The following SNRPN variants were observed in gnomAD, a reference collection of about 807,000 sequenced individuals.
SNRPN encodes the protein small nuclear ribonucleoprotein polypeptide N, also known as small nuclear ribonucleoprotein-associated protein N.
SNRPN carries 7 observed loss-of-function variants against 25.2 expected under a neutral mutation model. That is an observed-to-expected ratio of 0.28 (90% CI 0.16 to 0.52). The LOEUF is 0.52. Among genes scored for constraint, SNRPN ranks in the 20% least tolerant of loss-of-function variants. The probability of loss-of-function intolerance (pLI) is 0.96; values close to 1 mark genes in which losing one functional copy is unlikely to be tolerated. For synonymous variants in SNRPN, 124 were observed against 110.6 expected (o/e 1.12, Z -0.76); for missense variants, 196 against 322.5 (o/e 0.61, Z 3.00).
intron 3 of SNRPN, among the ~76,000 whole-genome samples, chr15:24,928,273 C>T (rs1425268362): frequency 6.6e-6 from 1 of 152,076 alleles, no homozygotes; most frequent in Non-Finnish European, 1.5e-5. Context: ...GAGAGCTGCA[C>T]TCTTGTGTTC....
chr15:24,920,072 T>G (rs1595907229), exon 3 of SNRPN: 1 of 152,286 alleles, frequency 6.6e-6, no homozygotes, highest in South Asian at 2.1e-4. Context: ...CAGAATCTCC[T>G]CTACAGATTT....
intron 2 of SNRPN, chr15:24,910,928 A>G: frequency 1.3e-6 from 1 of 747,646 alleles, no homozygotes; most frequent in Non-Finnish European, 2.3e-6. Flanking sequence ...TTCCTCCTGT[A>G]GGCTGGCAGA....
At chr15:24,857,426 T>C (rs1369947757) in intron 1 of SNRPN, among the ~76,000 whole-genome samples, 1 of 152,170 alleles carries the variant, frequency 6.6e-6, no homozygotes, top group Non-Finnish European at 1.5e-5. Flanking sequence ...TTTTTTTATG[T>C]TTTCAGTGAA....
At chr15:24,974,138 TGA>T (rs1378203379) in intron 3 of SNRPN, 171 bp from the exon 4 acceptor site, 1 of 362,706 alleles carries the variant, frequency 2.8e-6, no homozygotes, top group Non-Finnish European at 5.0e-6. Flanking sequence ...GTGTCAAATG[TGA>T]GAGTTAAGAA....
chr15:24,830,139 C>T (rs918223029), intron 2 of SNRPN, among the ~76,000 whole-genome samples: 2 of 152,066 alleles, frequency 1.3e-5, no homozygotes, highest in East Asian at 1.9e-4. Flanking sequence ...TTCTACCACA[C>T]GTAACCATGC....
At chr15:24,906,581 G>A (rs2058822191) in intron 2 of SNRPN, among the ~76,000 whole-genome samples, 1 of 152,212 alleles carries the variant, frequency 6.6e-6, no homozygotes, top group Non-Finnish European at 1.5e-5. Flanking sequence ...GCTCCTGAGT[G>A]AGGAATTTAT....
intron 3 of SNRPN, among the ~76,000 whole-genome samples, chr15:24,938,113 C>CA (rs2061341672): frequency 1.5e-5 from 2 of 133,722 alleles, no homozygotes; most frequent in East Asian, 2.5e-4. Flanking sequence ...GCTTCTAATT[C>CA]GTTTTTTTTT....
At chr15:24,914,625 A>G (rs1353496315) in intron 2 of SNRPN, among the ~76,000 whole-genome samples, 1 of 152,186 alleles carries the variant, frequency 6.6e-6, no homozygotes, top group Admixed American at 6.5e-5. Context: ...AGAGCAATCA[A>G]TGGCTCCAGA....
chr15:24,885,173 A>G (rs2057087364), intron 1 of SNRPN, among the ~76,000 whole-genome samples: 1 of 151,828 alleles, frequency 6.6e-6, no homozygotes. Flanking sequence ...GTATTGGGAC[A>G]TCTGGATTTT....
intron 1 of SNRPN, among the ~76,000 whole-genome samples, chr15:24,828,957 ATGT>A (rs2050295556): frequency 2.0e-5 from 3 of 152,066 alleles, no homozygotes; most frequent in East Asian, 3.9e-4. Flanking sequence ...GGGGAGTCAC[ATGT>A]TGTCCTGAGA....
At chr15:24,858,161 T>C (rs1324259307) in intron 1 of SNRPN, among the ~76,000 whole-genome samples, 3 of 152,172 alleles carry the variant, frequency 2.0e-5, no homozygotes, top group African/African-American at 4.8e-5. Flanking sequence ...GGATGAATCC[T>C]AAACCGTAAT....
chr15:24,829,087 T>C (rs2050305849), intron 1 of SNRPN, among the ~76,000 whole-genome samples: 1 of 152,176 alleles, frequency 6.6e-6, no homozygotes, highest in Non-Finnish European at 1.5e-5. Flanking sequence ...GTTTGAGAGA[T>C]TCATTAATTT....
chr15:24,913,171 CT>C (rs1018762516), intron 2 of SNRPN, among the ~76,000 whole-genome samples: 1 of 152,092 alleles, frequency 6.6e-6, no homozygotes, highest in African/African-American at 2.4e-5. Flanking sequence ...AACCCCTGAC[CT>C]TAGGTGATCT....
chr15:24,838,174 A>G lies in SNRPN; in HGVS notation c.-579+8269A>G, dbSNP rs900159984. On this transcript the variant is annotated intron_variant, in intron 2 of 12. Transcript: ENST00000400100. ...CTCAGCCTCCCAAGTAGCTGGGACT[A>G]CAGGCACCTGCCACCACGCCCAGGT... 1.6e-4 allele frequency among the ~76,000 whole-genome samples: 24 copies of G among 151,924 alleles called. 1 individual carries two copies. Among genetic ancestry groups the G allele is most frequent in the African/African-American group, 5.6e-4 (23 of 41,350 alleles).
intron 2 of SNRPN, among the ~76,000 whole-genome samples, chr15:24,847,808 G>A (rs1001509835): frequency 7.2e-5 from 11 of 152,144 alleles, no homozygotes; most frequent in Non-Finnish European, 1.3e-4. Flanking sequence ...AAATACGGAT[G>A]TATAGGAGTG....
intron 2 of SNRPN, among the ~76,000 whole-genome samples, chr15:24,918,697 T>C (rs2059762608): frequency 1.2e-5 from 1 of 83,682 alleles, no homozygotes; most frequent in Non-Finnish European, 2.2e-5. Flanking sequence ...TAACATAATA[T>C]ATATGTGTGC....
intron 2 of SNRPN, among the ~76,000 whole-genome samples, chr15:24,918,995 G>A (rs865788365): frequency 2.6e-4 from 29 of 112,132 alleles, no homozygotes; most frequent in African/African-American, 9.4e-4. Flanking sequence ...ATATATGTGC[G>A]CATATATATA....
chr15:24,962,059 T>C (rs1256724190), intron 1 of SNRPN, 55 bp from the exon 2 acceptor site: 1 of 1,365,626 alleles, frequency 7.3e-7, no homozygotes, highest in African/African-American at 1.4e-5. Context: ...TGACAAATAG[T>C]TATTTCATAG....
intron 1 of SNRPN, 39 bp downstream of exon 1, chr15:24,955,101 G>T (rs987151931): frequency 1.2e-6 from 2 of 1,613,234 alleles, no homozygotes; most frequent in African/African-American, 1.3e-5. Context: ...AGACAGCCTG[G>T]GGAGCGGCCA....
Sources: gnomAD v4.1 joint callset for allele counts (sites outside exome capture counted in the v4.1 genomes callset) on GRCh38, gnomAD v4.1.1 for gene constraint, MANE v1.5 for transcripts, NCBI Gene and HGNC (gene_info 2026-07-23, HGNC 2026-07-21) for gene names.